KCND2: variants seen among roughly 807,000 people sequenced by gnomAD.
KCND2 encodes potassium voltage-gated channel subfamily D member 2.
In KCND2, 16 loss-of-function variants were observed where a neutral mutation model predicts 54.4. That is an observed-to-expected ratio of 0.29 (90% CI 0.20 to 0.45). KCND2 has a LOEUF of 0.45. KCND2 is among the 20% of genes least tolerant of loss of function. The probability of loss-of-function intolerance (pLI) is 1.00; values close to 1 mark genes in which losing one functional copy is unlikely to be tolerated. For missense variants in KCND2, 486 were observed against 824.2 expected, an observed-to-expected ratio of 0.59 and a Z score of 5.02; for synonymous variants, 317 against 310.7, an observed-to-expected ratio of 1.02 and a Z score of -0.21.
chr7:120,520,327 G>C (rs1791673193), intron 1 of KCND2, among the ~76,000 whole-genome samples: 2 of 151,972 alleles, frequency 1.3e-5, no homozygotes. Context: ...AATAAAAAAA[G>C]TTACACGTAA....
intron 1 of KCND2, among the ~76,000 whole-genome samples, chr7:120,403,084 A>C (rs182607988): frequency 6.6e-6 from 1 of 152,192 alleles, no homozygotes; most frequent in Non-Finnish European, 1.5e-5. Context: ...CCATATGTAA[A>C]GATGACTTAG....
rs575163693 is a variant in KCND2, at chr7:120,567,989, A to G, written c.1116-164914A>G. Among the ~76,000 whole-genome samples the G allele has an allele frequency of 2.1e-4, 32 of 152,240 alleles. No individual in the cohort carries two copies. In the East Asian group the frequency reaches 6.0e-3, roughly 28 times the overall value. On this transcript the variant is annotated intron_variant, in intron 1 of 5. Transcript: ENST00000331113. ...TAACCAATTTTTGCACAAAAGATTA[A>G]TTTAGCACTTCCTTATGTGTGTTTT... is the stretch of plus-strand genomic sequence containing the variant.
At chr7:120,397,251 A>G (rs1801168139) in intron 1 of KCND2, among the ~76,000 whole-genome samples, 1 of 152,060 alleles carries the variant, frequency 6.6e-6, no homozygotes, top group South Asian at 2.1e-4. Context: ...ATCAAAATAG[A>G]AAATGTCATT....
intron 1 of KCND2, among the ~76,000 whole-genome samples, chr7:120,637,732 A>G (rs772499998): frequency 3.8e-4 from 58 of 152,244 alleles, no homozygotes; most frequent in Non-Finnish European, 5.7e-4. Flanking sequence ...GAATTGGAAA[A>G]TATGTTCTTC....
chr7:120,526,974 A>G (rs540868289), intron 1 of KCND2, among the ~76,000 whole-genome samples: 30 of 152,256 alleles, frequency 2.0e-4, no homozygotes, highest in African/African-American at 6.3e-4. Flanking sequence ...AATAATCACA[A>G]CAATGGATCA....
chr7:120,589,124 C>T (rs1792638606), intron 1 of KCND2, among the ~76,000 whole-genome samples: 1 of 152,122 alleles, frequency 6.6e-6, no homozygotes, highest in Non-Finnish European at 1.5e-5. Flanking sequence ...CAAAGCTGAA[C>T]TCAGTCATGC....
rs1793047635 is a variant in KCND2 at position 120,749,611 on chromosome 7, C to G, written c.*1753C>G. 6.6e-6 allele frequency: 1 copy of G among 152,262 alleles called. No homozygotes were observed. Among genetic ancestry groups the G allele is most frequent in the Non-Finnish European group, 1.5e-5 (1 of 67,806 alleles). The allele number at this position is 152,262 out of a possible 1,614,324, so 9.4% of individuals were successfully genotyped here. ...CCATTTTCTAGTAAAGCCAGAAATT[C>G]TTGCTTCCCATTTCTAGAATAGTTT... On this transcript the variant is annotated 3_prime_UTR_variant, in exon 6 of 6. Coordinates refer to ENST00000331113, the MANE Select transcript of KCND2 (RefSeq NM_012281.3).
chr7:120,276,650 AC>A (rs1417716636), intron 1 of KCND2, among the ~76,000 whole-genome samples: 1 of 152,118 alleles, frequency 6.6e-6, no homozygotes, highest in Non-Finnish European at 1.5e-5. Flanking sequence ...AAGTTCTGCA[AC>A]CAAAGGGACA....
rs1229003679 is a variant in KCND2 at position 120,620,255 on chromosome 7, CTTACTT to C, written c.1116-112644_1116-112639del. On this transcript the variant is annotated intron_variant, in intron 1 of 5. Coordinates refer to ENST00000331113, the MANE Select transcript of KCND2 (RefSeq NM_012281.3). ...ATTCCAACTGCAAAAAAAAAAAACT[CTTACTT>C]TTAAGAGCACTCAGACACTTTCATT... Among the ~76,000 whole-genome samples the C allele has an allele frequency of 4.6e-5, 7 of 151,664 alleles. No homozygotes were observed. The East Asian group carries it at 1.2e-3, about 25-fold the overall frequency.
intron 1 of KCND2, among the ~76,000 whole-genome samples, chr7:120,353,174 C>T (rs1171384430): frequency 4.5e-5 from 5 of 112,286 alleles, no homozygotes; most frequent in African/African-American, 1.7e-4. Context: ...AACTATAACA[C>T]ACAGCCTGAG....
chr7:120,321,200 G>A lies in KCND2; in HGVS notation c.1115+45453G>A, dbSNP rs559036651. Among the ~76,000 whole-genome samples, 22 of 152,274 alleles carry A rather than the reference G, an allele frequency of 1.4e-4. No homozygotes were observed. In the South Asian group the frequency reaches 4.1e-3, roughly 29 times the overall value. The stretch of plus-strand genomic sequence containing the variant: ...ATTTTAATTTAGTAGGAAATACTAA[G>A]AAGTAAACTAATAATCATAATAACT... On this transcript the variant is annotated intron_variant, in intron 1 of 5. Coordinates refer to ENST00000331113, the MANE Select transcript of KCND2 (RefSeq NM_012281.3).
At chr7:120,641,185 C>G (rs981825309) in intron 1 of KCND2, among the ~76,000 whole-genome samples, 10 of 152,036 alleles carry the variant, frequency 6.6e-5, no homozygotes, top group African/African-American at 2.4e-4. Flanking sequence ...GTTAACCCAG[C>G]AGATCCAATT....
chr7:120,621,071 G>A (rs1036303355), intron 1 of KCND2, among the ~76,000 whole-genome samples: 6 of 151,596 alleles, frequency 4.0e-5, no homozygotes, highest in Admixed American at 6.6e-5. Flanking sequence ...TTAGGAGTTC[G>A]AGACCAGCCT....
At chr7:120,401,988 G>A (rs868425671) in intron 1 of KCND2, among the ~76,000 whole-genome samples, 3 of 152,034 alleles carry the variant, frequency 2.0e-5, no homozygotes, top group African/African-American at 7.2e-5. Flanking sequence ...AGGGCCCGAT[G>A]GCTCAATATT....
intron 1 of KCND2, among the ~76,000 whole-genome samples, chr7:120,376,212 T>C (rs1004267217): frequency 1.3e-5 from 2 of 151,748 alleles, no homozygotes; most frequent in African/African-American, 4.8e-5. Flanking sequence ...TTCTATTTCT[T>C]TTATTTTGAT....
intron 1 of KCND2, among the ~76,000 whole-genome samples, chr7:120,370,497 A>G (rs1479796546): frequency 6.6e-6 from 1 of 152,062 alleles, no homozygotes; most frequent in Admixed American, 6.6e-5. Context: ...TGTGTTACCT[A>G]CAGAAGCCAT....
intron 1 of KCND2, among the ~76,000 whole-genome samples, chr7:120,663,827 C>A (rs1791894329): frequency 6.6e-6 from 1 of 152,188 alleles, no homozygotes; most frequent in Non-Finnish European, 1.5e-5. Context: ...GCTGCAGTTT[C>A]TTTCCTATCT....
chr7:120,407,606 A>C (rs1801380767), intron 1 of KCND2, among the ~76,000 whole-genome samples: 1 of 152,008 alleles, frequency 6.6e-6, no homozygotes, highest in African/African-American at 2.4e-5. Flanking sequence ...GACCAACTCC[A>C]GATGGTTACT....
At chr7:120,671,701 A>G (rs1324992802) in intron 1 of KCND2, among the ~76,000 whole-genome samples, 1 of 151,940 alleles carries the variant, frequency 6.6e-6, no homozygotes, top group Non-Finnish European at 1.5e-5. Context: ...TGACCCATTC[A>G]CCACTAAAAA....
Sources: gnomAD v4.1 joint callset for allele counts (sites outside exome capture counted in the v4.1 genomes callset) on GRCh38, gnomAD v4.1.1 for gene constraint, MANE v1.5 for transcripts, NCBI Gene and HGNC (gene_info 2026-07-23, HGNC 2026-07-21) for gene names.